The following SQOR variants were observed in gnomAD, a reference collection of about 807,000 sequenced individuals.
SQOR encodes the protein sulfide:quinone oxidoreductase, mitochondrial.
In SQOR, 39 loss-of-function variants were observed where a neutral mutation model predicts 48.6. That is an observed-to-expected ratio of 0.80 (90% CI 0.62 to 1.05). The LOEUF is 1.05. Ranked by LOEUF, SQOR falls within the 50% of genes least tolerant of loss-of-function variation. The pLI is 0.00. For missense variants in SQOR, 561 were observed against 559.9 expected (o/e 1.00, Z -0.02); for synonymous variants, 220 against 206.2 (o/e 1.07, Z -0.57).
At chr15:45,634,044 C>G (rs962498477), upstream of SQOR, among the ~76,000 whole-genome samples, 2 of 149,786 alleles carry the variant, frequency 1.3e-5, no homozygotes, top group South Asian at 4.2e-4. Context: ...GGCATGGTGG[C>G]ACACACCTGT....
chr15:45,647,570 G>A (rs960741715), intron 1 of SQOR, among the ~76,000 whole-genome samples: 4 of 151,792 alleles, frequency 2.6e-5, no homozygotes, highest in South Asian at 2.1e-4. Flanking sequence ...CAAGCAGTGC[G>A]CCCGCCTTGG....
intron 3 of SQOR, among the ~76,000 whole-genome samples, chr15:45,662,347 T>G (rs1889735876): frequency 6.6e-6 from 1 of 152,212 alleles, no homozygotes; most frequent in Non-Finnish European, 1.5e-5. Flanking sequence ...AAGATAAGTA[T>G]TTGTTGAACA....
Position 45,662,144 on chromosome 15 carries a change from A to G in SQOR, c.405+19A>G, listed in dbSNP as rs113007362. On this transcript the variant is annotated intron_variant, in intron 3 of 9. Transcript: ENST00000260324. Reference sequence around the variant, plus strand: ...CGAGAAGGTAACCACTGAGGCCTTTAGATTTTTTGTTAATCTGACAGCTTG... The same window carrying G: ...CGAGAAGGTAACCACTGAGGCCTTTGGATTTTTTGTTAATCTGACAGCTTG... 440 of 1,609,020 alleles carry G rather than the reference A, an allele frequency of 2.7e-4. 1 individual carries two copies. The African/African-American group carries it at 4.7e-3, about 17-fold the overall frequency.
At chr15:45,689,335 C>A in intron 9 of SQOR, 118 bp downstream of exon 9, 1 of 890,906 alleles carries the variant, frequency 1.1e-6, no homozygotes, top group Non-Finnish European at 1.7e-6. Context: ...GTCTTCCATG[C>A]TCTAGGCCCT....
chr15:45,639,382 C>G (rs535150222), intron 1 of SQOR, among the ~76,000 whole-genome samples: 1 of 152,330 alleles, frequency 6.6e-6, no homozygotes, highest in East Asian at 1.9e-4. Flanking sequence ...ATGTTATGAT[C>G]ATCCTTAAAT....
chr15:45,637,721 G>A (rs1425206902), intron 1 of SQOR, among the ~76,000 whole-genome samples: 3 of 152,242 alleles, frequency 2.0e-5, no homozygotes, highest in Non-Finnish European at 2.9e-5. Context: ...AAAGGAAACC[G>A]GATTCCTTTG....
At chr15:45,678,410 T>A (rs1052277557) in intron 6 of SQOR, among the ~76,000 whole-genome samples, 12 of 152,246 alleles carry the variant, frequency 7.9e-5, no homozygotes, top group African/African-American at 2.9e-4. Context: ...TAACTATTGG[T>A]ATGAACTCAT....
intron 3 of SQOR, among the ~76,000 whole-genome samples, chr15:45,664,935 AG>A (rs966257508): frequency 6.6e-6 from 1 of 152,142 alleles, no homozygotes; most frequent in Non-Finnish European, 1.5e-5. Context: ...ATTACACTCA[AG>A]ATTGTTCTCA....
intron 3 of SQOR, among the ~76,000 whole-genome samples, chr15:45,667,849 A>G (rs934110115): frequency 4.0e-5 from 6 of 151,468 alleles, no homozygotes; most frequent in African/African-American, 1.5e-4. Flanking sequence ...ATTGCTCAAC[A>G]TGGTTTGGCC....
chr15:45,674,874 AG>A (rs1463706544), intron 5 of SQOR, among the ~76,000 whole-genome samples: 1 of 152,156 alleles, frequency 6.6e-6, no homozygotes, highest in Non-Finnish European at 1.5e-5. Flanking sequence ...CAGGATTTCT[AG>A]CAGCTAGTCG....
At chr15:45,683,402 G>C (rs1433848472) in intron 7 of SQOR, among the ~76,000 whole-genome samples, 1 of 152,334 alleles carries the variant, frequency 6.6e-6, no homozygotes, top group East Asian at 1.9e-4. Flanking sequence ...GACAAATACA[G>C]TGGAGCATGC....
intron 5 of SQOR, among the ~76,000 whole-genome samples, chr15:45,674,289 A>C (rs1455405451): frequency 1.3e-5 from 2 of 152,084 alleles, no homozygotes; most frequent in African/African-American, 2.4e-5. Context: ...ATACAAAAAA[A>C]ATTAGCTGGG....
At chr15:45,635,312 C>T (rs1377416850) in intron 1 of SQOR, among the ~76,000 whole-genome samples, 2 of 152,254 alleles carry the variant, frequency 1.3e-5, no homozygotes, top group African/African-American at 2.4e-5. Flanking sequence ...GAACCCGGGT[C>T]TTGGGACTCT....
chr15:45,690,929 A>T, intron 9 of SQOR, 44 bp from the exon 10 acceptor site: 2 of 1,561,276 alleles, frequency 1.3e-6, no homozygotes, highest in Non-Finnish European at 1.8e-6. Context: ...AAGTCGCCCC[A>T]TCTCTCTTGC....
At chr15:45,655,969 G>C (rs1477829174) in intron 1 of SQOR, among the ~76,000 whole-genome samples, 2 of 151,062 alleles carry the variant, frequency 1.3e-5, no homozygotes, top group East Asian at 3.9e-4. Context: ...ACAGGCGTGA[G>C]CCACCGTGCC....
chr15:45,655,953 A>G lies in SQOR; in HGVS notation c.-17-2954A>G, dbSNP rs113059263. On this transcript the variant is annotated intron_variant, in intron 1 of 9. Coordinates refer to ENST00000260324, the MANE Select transcript of SQOR (RefSeq NM_021199.4). ...GCCCGCCTTGGCCTCCCAAAGTGCT[A>G]GGATTACAGGCGTGAGCCACCGTGC... 2.0e-3 allele frequency among the ~76,000 whole-genome samples: 306 copies of G among 150,506 alleles called. 3 individuals are homozygous for G. The highest frequency in any genetic ancestry group is 7.6e-3 in the East Asian group (39 of 5,114).
intron 7 of SQOR, among the ~76,000 whole-genome samples, chr15:45,685,081 A>G (rs1227909249): frequency 6.6e-6 from 1 of 152,198 alleles, no homozygotes; most frequent in Non-Finnish European, 1.5e-5. Context: ...TTGGTGCAAA[A>G]GTAATTGCGG....
In SQOR at chr15:45,676,075, G is replaced by A. The variant is rs766937688; in HGVS notation, c.655-26G>A. The A allele has an allele frequency of 4.4e-6, 7 of 1,596,860 alleles. No homozygotes were observed. The Admixed American group carries it at 6.9e-5, about 16-fold the overall frequency. On this transcript the variant is annotated intron_variant, in intron 5 of 9. Transcript: ENST00000260324. Reference sequence around the variant, plus strand: ...AAGGCAGCTGCAGTCATGCTTTGGTGTGAATGGTTTTCTTATTTTTCTCAG... The same window carrying A: ...AAGGCAGCTGCAGTCATGCTTTGGTATGAATGGTTTTCTTATTTTTCTCAG...
chr15:45,671,603 C>T (rs1566921141), intron 4 of SQOR, among the ~76,000 whole-genome samples: 1 of 152,202 alleles, frequency 6.6e-6, no homozygotes, highest in Non-Finnish European at 1.5e-5. Context: ...TTCAAGGAAA[C>T]TACTCAGGTT....
Sources: gnomAD v4.1 joint callset for allele counts (sites outside exome capture counted in the v4.1 genomes callset) on GRCh38, gnomAD v4.1.1 for gene constraint, MANE v1.5 for transcripts, NCBI Gene and HGNC (gene_info 2026-07-23, HGNC 2026-07-21) for gene names.